WAC: variants seen among roughly 807,000 people sequenced by gnomAD.
WAC encodes the protein WW domain containing adaptor with coiled-coil, also known as WW domain-containing adapter protein with coiled-coil.
WAC carries 11 observed loss-of-function variants against 79.6 expected under a neutral mutation model. The ratio of observed to expected loss-of-function variants is 0.14; its 90% CI spans 0.09 to 0.23. The LOEUF is 0.23. WAC is among the 10% of genes least tolerant of loss of function. The pLI is 1.00. For synonymous variants in WAC, 304 were observed against 276.9 expected, an observed-to-expected ratio of 1.10 and a Z score of -0.97; for missense variants, 728 against 773.5, an observed-to-expected ratio of 0.94 and a Z score of 0.70.
chr10:28,596,985 A>G (rs996712086), intron 7 of WAC, among the ~76,000 whole-genome samples: 5 of 152,146 alleles, frequency 3.3e-5, no homozygotes, highest in Non-Finnish European at 7.4e-5. Context: ...AATCTAGATT[A>G]ATAGAGACTA....
chr10:28,575,000 T>C (rs1342202909), intron 3 of WAC, among the ~76,000 whole-genome samples: 8 of 152,202 alleles, frequency 5.3e-5, no homozygotes, highest in African/African-American at 1.9e-4. Context: ...ACCTAGAGCT[T>C]ATTATTTGGT....
In WAC at chr10:28,533,511, C is replaced by G; in HGVS notation, c.-69C>G. 6.3e-6 allele frequency: 7 copies of G among 1,108,600 alleles called. No individual in the cohort carries two copies. Among genetic ancestry groups the G allele is most frequent in the Non-Finnish European group, 7.9e-6 (7 of 883,264 alleles). 68.7% of individuals were successfully genotyped at this position (1,108,600 alleles called of 1,614,324 possible). On this transcript the variant is annotated 5_prime_UTR_variant, in exon 1 of 14. Coordinates refer to ENST00000354911, the MANE Select transcript of WAC (RefSeq NM_016628.5). Reference sequence around the variant, plus strand: ...GCCCGCCGCCCGCCGCCGCCGCCGCCTGCGCGCCCGCCCGCCTTTCGCGGC... The same window carrying G: ...GCCCGCCGCCCGCCGCCGCCGCCGCGTGCGCGCCCGCCCGCCTTTCGCGGC...
At chr10:28,536,345 A>C (rs763593168) in intron 3 of WAC, among the ~76,000 whole-genome samples, 13 of 152,110 alleles carry the variant, frequency 8.5e-5, no homozygotes, top group Non-Finnish European at 1.5e-4. Context: ...AAAATGCAGG[A>C]CTTTTTTCCA....
At chr10:28,583,359 C>G in intron 3 of WAC, 40 bp from the exon 4 acceptor site, 1 of 1,405,682 alleles carries the variant, frequency 7.1e-7, no homozygotes, top group Non-Finnish European at 9.7e-7. Flanking sequence ...ACATGAAATA[C>G]AGTTTACTTG....
intron 3 of WAC, among the ~76,000 whole-genome samples, chr10:28,554,509 C>G (rs1589146580): frequency 1.3e-5 from 2 of 152,086 alleles, no homozygotes; most frequent in South Asian, 4.1e-4. Flanking sequence ...TTTTGCTTAG[C>G]TCATTGTTCT....
chr10:28,566,251 TTGTGTGTGCACG>T (rs1195853515), intron 3 of WAC, among the ~76,000 whole-genome samples: 2 of 152,130 alleles, frequency 1.3e-5, no homozygotes, highest in Non-Finnish European at 2.9e-5. Flanking sequence ...TAAGTGAGTA[TTGTGTGTGCACG>T]TGTGTGTGTG....
intron 3 of WAC, chr10:28,538,336 C>T (rs903972109): frequency 1.2e-5 from 4 of 327,286 alleles, no homozygotes; most frequent in Non-Finnish European, 2.6e-5. Context: ...AATCTCAGCA[C>T]TTTGGGAGGC....
chr10:28,611,828 G>C lies in WAC; in HGVS notation c.1343G>C (p.Arg448Thr). The change falls in exon 10 of 14, where the codon AGA (arginine) becomes ACA (threonine). Residue 448 changes from arginine to threonine, a missense_variant. Transcript: ENST00000354911. ...TTAACATCTGATGCGTCATCCCCAAGATCATATGTTTCTCCAAGAATAAGC... is the reference window on the plus strand; with the variant it reads ...TTAACATCTGATGCGTCATCCCCAACATCATATGTTTCTCCAAGAATAAGC... ...MSLTSDASSP[R>T]SYVSPRISTP... 1.2e-6 allele frequency: 2 copies of C among 1,614,020 alleles called. No homozygotes were observed. The highest frequency in any genetic ancestry group is 1.7e-6 in the Non-Finnish European group (2 of 1,180,010).
intron 10 of WAC, among the ~76,000 whole-genome samples, chr10:28,612,346 G>C (rs1841281567): frequency 6.6e-6 from 1 of 152,182 alleles, no homozygotes; most frequent in Non-Finnish European, 1.5e-5. Flanking sequence ...AGAATCACTT[G>C]CTTTATTTAA....
intron 3 of WAC, among the ~76,000 whole-genome samples, chr10:28,557,333 A>T (rs553104526): frequency 6.6e-6 from 1 of 152,332 alleles, no homozygotes; most frequent in South Asian, 2.1e-4. Flanking sequence ...TCAATATTAT[A>T]CAGTGTCATT....
At chr10:28,545,404 C>T (rs941230045) in intron 3 of WAC, among the ~76,000 whole-genome samples, 4 of 152,104 alleles carry the variant, frequency 2.6e-5, no homozygotes, top group Non-Finnish European at 4.4e-5. Context: ...TGCTTGAACC[C>T]GTGAGGCAGA....
At chr10:28,576,842 T>C (rs1839269224) in intron 3 of WAC, among the ~76,000 whole-genome samples, 1 of 152,196 alleles carries the variant, frequency 6.6e-6, no homozygotes. Context: ...GGAATTTCAA[T>C]TATATTTATT....
At chr10:28,603,750 G>A (rs1840751721) in intron 7 of WAC, among the ~76,000 whole-genome samples, 1 of 151,054 alleles carries the variant, frequency 6.6e-6, no homozygotes, top group African/African-American at 2.4e-5. Context: ...TGGCTAGCAC[G>A]GTGAAAACCC....
rs191630155 is a variant in WAC at position 28,535,461 on chromosome 10, T to C, written c.79-101T>C. The C allele has an allele frequency of 7.3e-5, 99 of 1,357,282 alleles. No individual in the cohort carries two copies. The Admixed American group carries it at 2.1e-3, about 29-fold the overall frequency. 84.1% of individuals were successfully genotyped at this position (1,357,282 alleles called of 1,614,324 possible). A position where few individuals can be genotyped will look rare whatever the true frequency, so the allele number is the denominator to read the frequency against. On this transcript the variant is annotated intron_variant, in intron 2 of 13. Coordinates refer to ENST00000354911, the MANE Select transcript of WAC (RefSeq NM_016628.5). ...AAAGTGGAAATTTTAATTTTGTAAG[T>C]TCATAAAATTTAATGATAATACACC...
At chr10:28,544,403 C>A (rs575412102) in intron 3 of WAC, among the ~76,000 whole-genome samples, 1 of 152,134 alleles carries the variant, frequency 6.6e-6, no homozygotes, top group African/African-American at 2.4e-5. Context: ...TTCAGGCACT[C>A]GCTAGCTAGA....
At chr10:28,614,739 TG>T in intron 11 of WAC, 54 bp downstream of exon 11, 1 of 1,337,116 alleles carries the variant, frequency 7.5e-7, no homozygotes, top group South Asian at 1.2e-5. Context: ...GATGGTACAC[TG>T]CATTGTTTGA....
intron 3 of WAC, among the ~76,000 whole-genome samples, chr10:28,563,030 G>T (rs1400096052): frequency 3.3e-5 from 5 of 152,066 alleles, no homozygotes; most frequent in Admixed American, 2.0e-4. Flanking sequence ...TTGGAGTTAG[G>T]TACAAAGAAC....
At chr10:28,611,125 TA>T in intron 9 of WAC, 1 of 616,996 alleles carries the variant, frequency 1.6e-6, no homozygotes, top group Non-Finnish European at 2.4e-6. Flanking sequence ...AAGCTGAAAG[TA>T]AACTATGATG....
intron 4 of WAC, among the ~76,000 whole-genome samples, chr10:28,583,763 T>A (rs910995566): frequency 6.6e-6 from 1 of 152,188 alleles, no homozygotes; most frequent in African/African-American, 2.4e-5. Flanking sequence ...TACAAAGCAA[T>A]GTTTTTCTGT....
Sources: gnomAD v4.1 joint callset for allele counts (sites outside exome capture counted in the v4.1 genomes callset) on GRCh38, gnomAD v4.1.1 for gene constraint, MANE v1.5 for transcripts, NCBI Gene and HGNC (gene_info 2026-07-23, HGNC 2026-07-21) for gene names.